RYR3: variants seen among roughly 807,000 people sequenced by gnomAD.
RYR3 encodes ryanodine receptor 3.
Under a neutral mutation model 584.3 loss-of-function variants are expected in RYR3, and 207 were observed. The observed-to-expected ratio is 0.35, with a 90% CI of 0.32 to 0.40. The LOEUF is 0.40. RYR3 is among the 10% of genes least tolerant of loss of function. The probability of loss-of-function intolerance (pLI) is 1.00; values close to 1 mark genes in which losing one functional copy is unlikely to be tolerated. For synonymous variants in RYR3, 2,416 were observed against 2,248.5 expected (o/e 1.07, Z -2.11); for missense variants, 5,616 against 6,089.2 (o/e 0.92, Z 2.59).
At position 33,819,761 on chromosome 15, in the gene RYR3, T is replaced by G. The variant is rs1198398688; in HGVS notation, c.10712T>G (p.Leu3571Trp). ...ATTTCCTCCATTCTTTCCAGCAAAT[T>G]GGAAGACGACCCTTTGTACACCTCC... is the stretch of plus-strand genomic sequence containing the variant. ...SRNALTERSKLEDDPLYTSYS... is the reference protein window; with the variant it reads ...SRNALTERSKWEDDPLYTSYS... Residue 3571 changes from leucine to tryptophan, a missense_variant, in exon 77 of 104, where the codon TTG becomes TGG. Coordinates refer to ENST00000634891, the MANE Select transcript of RYR3 (RefSeq NM_001036.6). 3.3e-6 allele frequency: 5 copies of G among 1,527,248 alleles called. No homozygotes were observed. Among genetic ancestry groups the G allele is most frequent in the South Asian group, 1.4e-5 (1 of 71,204 alleles). 94.6% of individuals were successfully genotyped at this position (1,527,248 alleles called of 1,614,324 possible).
At chr15:33,725,180 C>CACACACACACACACACATATATATAT (rs1555427017) in intron 45 of RYR3, among the ~76,000 whole-genome samples, 1 of 143,792 alleles carries the variant, frequency 7.0e-6, no homozygotes, top group Non-Finnish European at 1.5e-5. Context: ...CACACACACA[C>CACACACACACACACACATATATATAT]ACACACACAC....
chr15:33,837,876 G>A lies in RYR3; in HGVS notation c.11896G>A (p.Ala3966Thr). ...AGAGATTGACTTTCTCCTGTCGTGT[G>A]CAGAAGCTGATGAGAATGACATGTT... ...QSEIDFLLSC[A>T]EADENDMFNY... Residue 3966 changes from alanine (A) to threonine (T), a missense_variant, in exon 89 of 104, where the codon GCA becomes ACA. Around this residue, in one of 9 missense-constraint regions of RYR3, gnomAD observed 258 missense variants for 297.3 expected, o/e 0.87. Transcript: ENST00000634891. 1 of 1,614,042 alleles carries A rather than the reference G, an allele frequency of 6.2e-7. No homozygotes were observed.
chr15:33,496,953 C>T (rs1193079522), intron 2 of RYR3, among the ~76,000 whole-genome samples: 13 of 152,074 alleles, frequency 8.5e-5, no homozygotes, highest in Admixed American at 8.5e-4. Context: ...GGACAGAAAC[C>T]ATGCCTTACT....
At chr15:33,783,565 G>A (rs142141912) in intron 65 of RYR3, among the ~76,000 whole-genome samples, 4 of 152,218 alleles carry the variant, frequency 2.6e-5, no homozygotes, top group African/African-American at 9.6e-5. Flanking sequence ...CTTAGGCAGC[G>A]GGCAAAAAGT....
chr15:33,479,719 G>C (rs576679452), intron 2 of RYR3, among the ~76,000 whole-genome samples: 4 of 152,022 alleles, frequency 2.6e-5, no homozygotes, highest in African/African-American at 9.7e-5. Context: ...AAAGAGTATC[G>C]TGGATCCAGC....
chr15:33,600,404 C>T (rs1285637350), intron 16 of RYR3, among the ~76,000 whole-genome samples: 1 of 152,068 alleles, frequency 6.6e-6, no homozygotes, highest in African/African-American at 2.4e-5. Flanking sequence ...TTTGCGCATT[C>T]CTCTCTGTGA....
chr15:33,738,972 C>T (rs951701712), intron 50 of RYR3, among the ~76,000 whole-genome samples: 9 of 152,176 alleles, frequency 5.9e-5, no homozygotes, highest in Non-Finnish European at 1.2e-4. Flanking sequence ...AGGAAAAGTC[C>T]TGACATCTGC....
chr15:33,597,908 CT>C (rs35363480), intron 16 of RYR3, among the ~76,000 whole-genome samples: 15,861 of 146,848 alleles, frequency 0.11, 992 homozygotes, highest in African/African-American at 0.18. Context: ...TCCTCCCCCA[CT>C]TTTTTTTTTT....
At chr15:33,435,468 T>G (rs553264482) in intron 1 of RYR3, among the ~76,000 whole-genome samples, 1 of 152,286 alleles carries the variant, frequency 6.6e-6, no homozygotes, top group South Asian at 2.1e-4. Context: ...TATGTGTATG[T>G]GTGTGTGTGC....
At chr15:33,460,910 G>T (rs1482969918) in intron 1 of RYR3, among the ~76,000 whole-genome samples, 1 of 145,188 alleles carries the variant, frequency 6.9e-6, no homozygotes, top group African/African-American at 2.6e-5. Flanking sequence ...CAGCCTTCAA[G>T]TGTGGGAATT....
intron 99 of RYR3, chr15:33,858,814 G>C (rs1347422395): frequency 6.6e-6 from 1 of 152,242 alleles, no homozygotes; most frequent in Non-Finnish European, 1.5e-5. Context: ...CTGTGTCTCA[G>C]GGACAGGGGA....
chr15:33,535,188 G>T (rs997171441), intron 5 of RYR3, among the ~76,000 whole-genome samples: 1 of 152,198 alleles, frequency 6.6e-6, no homozygotes, highest in Non-Finnish European at 1.5e-5. Context: ...AGCCTATGTT[G>T]TTATTCTAAA....
intron 31 of RYR3, among the ~76,000 whole-genome samples, chr15:33,652,120 G>A (rs1007469526): frequency 2.0e-5 from 3 of 152,218 alleles, no homozygotes; most frequent in Admixed American, 2.0e-4. Flanking sequence ...CTGATGGTTA[G>A]CCAGTAGTGC....
rs751061382 is a variant in RYR3, at chr15:33,635,669, G to A, written c.3231G>A (p.Glu1077=). ...ACAAGATCCGATTTTTCCGGGTAGA[G>A]CGATCTTATGCAGTGAGATCTGGAA... ...SIDKIRFFRV[E]RSYAVRSGKW... is the part of the protein sequence containing the mutation. Residue 1077 remains glutamate (E), a synonymous_variant, in exon 26 of 104, where the codon GAG becomes GAA. Transcript: ENST00000634891. 5.6e-6 allele frequency: 9 copies of A among 1,614,004 alleles called. No individual in the cohort carries two copies. The South Asian group carries it at 8.8e-5, about 16-fold the overall frequency.
intron 1 of RYR3, among the ~76,000 whole-genome samples, chr15:33,330,838 G>A (rs1970295944): frequency 6.6e-6 from 1 of 152,106 alleles, no homozygotes; most frequent in Non-Finnish European, 1.5e-5. Flanking sequence ...GAACTTAAAA[G>A]CTGTGAAATG....
At chr15:33,480,139 C>T (rs2049827182) in intron 2 of RYR3, among the ~76,000 whole-genome samples, 1 of 152,120 alleles carries the variant, frequency 6.6e-6, no homozygotes, top group Non-Finnish European at 1.5e-5. Flanking sequence ...TCTGCCTTTC[C>T]ACAAGTCTGT....
chr15:33,811,337 G>C (rs539963683), intron 72 of RYR3, among the ~76,000 whole-genome samples: 24 of 152,036 alleles, frequency 1.6e-4, no homozygotes, highest in South Asian at 2.1e-4. Context: ...AACCCCGTCT[G>C]TACTAAAAAT....
At chr15:33,354,540 A>C (rs893522338) in intron 1 of RYR3, among the ~76,000 whole-genome samples, 1 of 152,244 alleles carries the variant, frequency 6.6e-6, no homozygotes, top group African/African-American at 2.4e-5. Flanking sequence ...GTATCACTTC[A>C]TAATGCAGCT....
Position 33,857,764 on chromosome 15 carries a change from G to A in RYR3, c.14008-16G>A. 6.2e-7 allele frequency: 1 copy of A among 1,613,746 alleles called. No homozygotes were observed. The highest frequency in any genetic ancestry group is 1.1e-5 in the South Asian group (1 of 91,050). On this transcript the variant is annotated splice_polypyrimidine_tract_variant and intron_variant, in intron 98 of 103. Coordinates refer to ENST00000634891, the MANE Select transcript of RYR3 (RefSeq NM_001036.6). ...AGACCCCACTCCTTTTCCTTTCTCT[G>A]TCCTCTCATTCCCAGTTGGTTCTGA...
Sources: gnomAD v4.1 joint callset for allele counts (sites outside exome capture counted in the v4.1 genomes callset) on GRCh38, gnomAD v4.1.1 for gene constraint, gnomAD v4.1.1 regional missense constraint, MANE v1.5 for transcripts, NCBI Gene and HGNC (gene_info 2026-07-23, HGNC 2026-07-21) for gene names.